The following UGGT1 variants were observed in gnomAD, a reference collection of about 807,000 sequenced individuals.
The protein encoded by UGGT1 is UDP-glucose:glycoprotein glucosyltransferase 1.
UGGT1 carries 107 observed loss-of-function variants against 203.9 expected under a neutral mutation model. The observed-to-expected ratio is 0.52, with a 90% CI of 0.45 to 0.62. The LOEUF (loss-of-function observed/expected upper bound fraction) is 0.62, where lower values mean the gene tolerates loss of function less well. Among genes scored for constraint, UGGT1 ranks in the 20% least tolerant of loss-of-function variants. The pLI, the probability that UGGT1 is intolerant of heterozygous loss-of-function variation, is 0.00. For missense variants in UGGT1, 1,673 were observed against 1,867.2 expected, an observed-to-expected ratio of 0.90 and a Z score of 1.92; for synonymous variants, 628 against 653.5, an observed-to-expected ratio of 0.96 and a Z score of 0.59.
Position 128,127,370 on chromosome 2 carries a change from G to A in UGGT1, c.1144G>A (p.Gly382Arg). 3.1e-6 allele frequency: 5 copies of A among 1,611,108 alleles called. No homozygotes were observed. Among genetic ancestry groups the A allele is most frequent in the Non-Finnish European group, 4.2e-6 (5 of 1,178,374 alleles). The change falls in exon 12 of 41, where the codon GGA (glycine) becomes AGA (arginine). Residue 382 changes from glycine (G) to arginine (R), a missense_variant. By Grantham distance (125) the Gly-to-Arg change is moderately radical. Transcript: ENST00000259253. Reference protein sequence around the residue: ...EVEENQKYFKGTLGLQPGDSA... With the variant: ...EVEENQKYFKRTLGLQPGDSA... ...TATTAAAATTTTTCAGTATTTCAAG[G>A]GAACTTTAGGATTACAACCTGGAGA...
chr2:128,152,794 C>T lies in UGGT1; in HGVS notation c.2027C>T (p.Pro676Leu), dbSNP rs746641771. 16 of 1,608,394 alleles carry T rather than the reference C, an allele frequency of 9.9e-6. No homozygotes were observed. In the East Asian group the frequency reaches 3.1e-4, roughly 31 times the overall value. ...TTTTTTTTCTTGCAGGGTGAACTGC[C>T]CCATGATCAAGATGTGGTAGAGTAT... ...FQRAVYLGELPHDQDVVEYIM... is the reference protein window; with the variant it reads ...FQRAVYLGELLHDQDVVEYIM... The change falls in exon 19 of 41, where the codon CCC becomes CTC. Residue 676 changes from proline (P) to leucine (L), a missense_variant. Pro to Leu is a moderately conservative substitution (Grantham distance 98, BLOSUM62 -3). This residue lies in a region of UGGT1 where 1,073 missense variants were observed against 1,078.7 expected (regional missense o/e 0.99). Transcript: ENST00000259253.
At chr2:128,108,935 A>T (rs1687726212) in intron 4 of UGGT1, among the ~76,000 whole-genome samples, 1 of 152,026 alleles carries the variant, frequency 6.6e-6, no homozygotes, top group African/African-American at 2.4e-5. Flanking sequence ...TTTGTGACAC[A>T]GTCTCGCCCT....
intron 16 of UGGT1, 81 bp downstream of exon 16, chr2:128,138,933 G>A: frequency 6.4e-7 from 1 of 1,567,508 alleles, no homozygotes; most frequent in South Asian, 1.2e-5. Flanking sequence ...TTGTATGCTA[G>A]GCAGCTGGGG....
chr2:128,156,277 A>G, intron 20 of UGGT1, 115 bp from the exon 21 acceptor site: 2 of 789,760 alleles, frequency 2.5e-6, no homozygotes. Flanking sequence ...AGGACTAAGC[A>G]GCAGGAAGAA....
intron 1 of UGGT1, among the ~76,000 whole-genome samples, chr2:128,094,836 C>T (rs1360656191): frequency 6.8e-6 from 1 of 146,814 alleles, no homozygotes; most frequent in African/African-American, 2.5e-5. Context: ...GAAACCTCCA[C>T]CTCCCGGGTT....
At chr2:128,109,613 G>T in intron 4 of UGGT1, 21 bp from the exon 5 acceptor site, 2 of 1,574,742 alleles carry the variant, frequency 1.3e-6, no homozygotes, top group Non-Finnish European at 1.7e-6. Flanking sequence ...TAAAAAGTAT[G>T]TGTTGTGTCT....
At position 128,145,862 on chromosome 2, in the gene UGGT1, T is replaced by C. The variant is rs1178072285; in HGVS notation, c.1911T>C (p.Asn637=). 6.2e-7 allele frequency: 1 copy of C among 1,614,022 alleles called. No individual in the cohort carries two copies. Among genetic ancestry groups the C allele is most frequent in the Non-Finnish European group, 8.5e-7 (1 of 1,179,952 alleles). The change falls in exon 18 of 41, where the codon AAT becomes AAC. Residue 637 remains asparagine, a synonymous_variant. Transcript: ENST00000259253. ...GVGPLPVVLF[N]GMPFEREQLD... is the part of the protein sequence containing the mutation. The stretch of plus-strand genomic sequence containing the variant: ...GACCTCTGCCCGTTGTGCTGTTCAA[T>C]GGAATGCCCTTTGAAAGGGAACAGC...
rs760219651 is a variant in UGGT1, at chr2:128,113,221, C to T, written c.659C>T (p.Ala220Val). 4 of 1,612,162 alleles carry T rather than the reference C, an allele frequency of 2.5e-6. No individual in the cohort carries two copies. In the South Asian group the frequency reaches 4.4e-5, roughly 18 times the overall value. The change falls in exon 6 of 41, where the codon GCA becomes GTA. Residue 220 changes from alanine to valine, a missense_variant. Around this residue, in one of 4 missense-constraint regions of UGGT1, gnomAD observed 1,073 missense variants for 1,078.7 expected, o/e 0.99. Coordinates refer to ENST00000259253, the MANE Select transcript of UGGT1 (RefSeq NM_020120.4). ...FHRQLISKSN[A>V]GKINYVFRHY... ...CGCCAGCTTATATCAAAAAGCAATGCAGGCAAAATCAATTATGTATTCAGA... is the reference window on the plus strand; with the variant it reads ...CGCCAGCTTATATCAAAAAGCAATGTAGGCAAAATCAATTATGTATTCAGA...
At chr2:128,169,048 T>TAAAAAAAAAAAAAAAAA (rs544381740) in intron 26 of UGGT1, among the ~76,000 whole-genome samples, 1 of 52,566 alleles carries the variant, frequency 1.9e-5, no homozygotes, top group Non-Finnish European at 3.2e-5. Context: ...ACTCTGTCTT[T>TAAAAAAAAAAAAAAAAA]AAAAAAAAAA....
chr2:128,117,546 C>CTTTTT (rs10694331), intron 8 of UGGT1, among the ~76,000 whole-genome samples: 2 of 137,514 alleles, frequency 1.5e-5, no homozygotes, highest in East Asian at 2.1e-4. Flanking sequence ...AACTGTTATT[C>CTTTTT]TTTTTTTTTT....
At chr2:128,142,700 T>C (rs1689496916) in intron 16 of UGGT1, among the ~76,000 whole-genome samples, 1 of 148,000 alleles carries the variant, frequency 6.8e-6, no homozygotes, top group African/African-American at 2.5e-5. Flanking sequence ...GAAAAGTAAT[T>C]GGCCAGGCGC....
chr2:128,127,326 C>A, intron 11 of UGGT1, 35 bp from the exon 12 acceptor site: 1 of 1,488,798 alleles, frequency 6.7e-7, no homozygotes, highest in Non-Finnish European at 9.3e-7. Context: ...AAAACATTCT[C>A]TCACAGCTCC....
intron 30 of UGGT1, 43 bp downstream of exon 30, chr2:128,173,982 A>G: frequency 6.3e-7 from 1 of 1,596,838 alleles, no homozygotes; most frequent in Non-Finnish European, 8.6e-7. Flanking sequence ...TAGTTACGTT[A>G]ATTTGGGCAC....
chr2:128,143,578 G>A (rs1216236848), intron 17 of UGGT1, among the ~76,000 whole-genome samples: 1 of 152,154 alleles, frequency 6.6e-6, no homozygotes, highest in Non-Finnish European at 1.5e-5. Flanking sequence ...GGGGAAAGGA[G>A]TATTTTTATA....
At chr2:128,098,002 C>T (rs969833168) in intron 2 of UGGT1, among the ~76,000 whole-genome samples, 4 of 152,068 alleles carry the variant, frequency 2.6e-5, no homozygotes, top group East Asian at 1.9e-4. Context: ...GCTGGGATCA[C>T]GGAAGTGCCC....
At chr2:128,186,836 A>G (rs1692005201) in intron 39 of UGGT1, 37 bp downstream of exon 39, 4 of 1,451,266 alleles carry the variant, frequency 2.8e-6, no homozygotes, top group Non-Finnish European at 2.9e-6. Flanking sequence ...ATGTTCATCC[A>G]CTGGATGTGT....
chr2:128,165,050 C>T (rs780353266), intron 26 of UGGT1, among the ~76,000 whole-genome samples: 3 of 152,106 alleles, frequency 2.0e-5, no homozygotes, highest in Non-Finnish European at 4.4e-5. Flanking sequence ...CTAAATGAAT[C>T]TGAAATAACT....
chr2:128,101,702 G>A (rs1336057540), intron 2 of UGGT1, among the ~76,000 whole-genome samples: 2 of 152,118 alleles, frequency 1.3e-5, no homozygotes, highest in Non-Finnish European at 2.9e-5. Flanking sequence ...TTTGAAAAAC[G>A]GTTATATCTG....
rs184883930 is a variant in UGGT1, at chr2:128,117,370, G to A, written c.872+1027G>A. ...CTCCCAGAGTGCTGGGAATACAGGC[G>A]TGAGCCATGGCCCCCAGCTCAGAAA... On this transcript the variant is annotated intron_variant, in intron 8 of 40. Coordinates refer to ENST00000259253, the MANE Select transcript of UGGT1 (RefSeq NM_020120.4). 2.2e-3 allele frequency among the ~76,000 whole-genome samples: 329 copies of A among 152,312 alleles called. 3 individuals carry two copies. Among genetic ancestry groups the A allele is most frequent in the African/African-American group, 7.3e-3 (305 of 41,568 alleles).
Sources: gnomAD v4.1 joint callset for allele counts (sites outside exome capture counted in the v4.1 genomes callset) on GRCh38, gnomAD v4.1.1 for gene constraint, gnomAD v4.1.1 regional missense constraint, MANE v1.5 for transcripts, NCBI Gene and HGNC (gene_info 2026-07-23, HGNC 2026-07-21) for gene names.